The following PRKCD variants were observed in gnomAD, a reference collection of about 807,000 sequenced individuals.
The protein encoded by PRKCD is protein kinase C delta type.
PRKCD carries 20 observed loss-of-function variants against 82.2 expected under a neutral mutation model. The observed-to-expected ratio is 0.24, with a 90% confidence interval of 0.17 to 0.35. PRKCD has a LOEUF of 0.35. Among genes scored for constraint, PRKCD ranks in the 10% least tolerant of loss-of-function variants. The pLI is 1.00. For missense variants in PRKCD, 607 were observed against 899.0 expected (o/e 0.68, Z 4.15); for synonymous variants, 317 against 337.0 (o/e 0.94, Z 0.65).
rs1553669095 is a variant in PRKCD at position 53,186,360 on chromosome 3, T to A, written c.1260+20T>A. Reference sequence around the variant, plus strand: ...ACCAAGGTGCCCGGGCCTCCTGCCGTCACCACCCCATGCCACAGCCATGTC... The same window carrying A: ...ACCAAGGTGCCCGGGCCTCCTGCCGACACCACCCCATGCCACAGCCATGTC... On this transcript the variant is annotated intron_variant, in intron 13 of 18. Coordinates refer to ENST00000330452, the MANE Select transcript of PRKCD (RefSeq NM_006254.4). 6.2e-7 allele frequency: 1 copy of A among 1,613,364 alleles called. No homozygotes were observed. The highest frequency in any genetic ancestry group is 8.5e-7 in the Non-Finnish European group (1 of 1,179,642).
rs1703872880 is a variant in PRKCD, at chr3:53,190,135, C to T, written c.1872+134C>T. On this transcript the variant is annotated intron_variant, in intron 18 of 18. Transcript: ENST00000330452. ...TCCATAGCATGTTCAGTCACAGCCG[C>T]TGCCCTTGTATTCTCATCCTCTCCC... is the stretch of plus-strand genomic sequence containing the variant. 4.6e-6 allele frequency: 6 copies of T among 1,312,508 alleles called. No individual in the cohort carries two copies. The Admixed American group carries it at 5.4e-5, about 12-fold the overall frequency. The allele number at this position is 1,312,508 out of a possible 1,614,324, so 81.3% of individuals were successfully genotyped here.
intron 2 of PRKCD, among the ~76,000 whole-genome samples, chr3:53,168,931 G>C (rs996971252): frequency 6.6e-6 from 1 of 151,936 alleles, no homozygotes; most frequent in Non-Finnish European, 1.5e-5. Context: ...GCTTGGGCAG[G>C]GGGTGACAAA....
intron 2 of PRKCD, among the ~76,000 whole-genome samples, chr3:53,171,101 C>T (rs1297742312): frequency 5.3e-5 from 8 of 152,112 alleles, no homozygotes; most frequent in East Asian, 1.9e-4. Context: ...TGTGGTTATT[C>T]GTGGAGAGGC....
chr3:53,175,354 G>A (rs1431405483), intron 2 of PRKCD, among the ~76,000 whole-genome samples: 1 of 152,136 alleles, frequency 6.6e-6, no homozygotes, highest in African/African-American at 2.4e-5. Flanking sequence ...CCGCAGTGAG[G>A]GGGGTGATAG....
At chr3:53,179,925 C>A in intron 4 of PRKCD, 149 bp downstream of exon 4, 1 of 906,510 alleles carries the variant, frequency 1.1e-6, no homozygotes, top group Non-Finnish European at 1.7e-6. Flanking sequence ...CAGTCCAGCC[C>A]TGTGGCCAAC....
rs1397485856 is a variant in PRKCD at position 53,183,212 on chromosome 3, C to G, written c.657+6C>G. 1.2e-6 allele frequency: 2 copies of G among 1,613,798 alleles called. No individual in the cohort carries two copies. The highest frequency in any genetic ancestry group is 1.7e-6 in the Non-Finnish European group (2 of 1,179,778). Reference sequence around the variant, plus strand: ...CCAACAGCCGGGACACTATAGTGAGCCTGGGTCCGGGGCAGGGCTGGGGAT... The same window carrying G: ...CCAACAGCCGGGACACTATAGTGAGGCTGGGTCCGGGGCAGGGCTGGGGAT... On this transcript the variant is annotated splice_donor_region_variant and intron_variant, in intron 8 of 18. Transcript: ENST00000330452.
chr3:53,175,272 G>A (rs1403945160), intron 2 of PRKCD, among the ~76,000 whole-genome samples: 3 of 152,196 alleles, frequency 2.0e-5, no homozygotes, highest in Non-Finnish European at 4.4e-5. Flanking sequence ...CTGGGCAGGC[G>A]GAATGGATGC....
intron 14 of PRKCD, 116 bp from the exon 15 acceptor site, chr3:53,187,224 G>T: frequency 8.8e-7 from 1 of 1,136,422 alleles, no homozygotes. Flanking sequence ...TGCTCAGGTG[G>T]TCCATGGAGT....
At chr3:53,185,111 A>C in intron 10 of PRKCD, 137 bp downstream of exon 10, 1 of 742,188 alleles carries the variant, frequency 1.3e-6, no homozygotes, top group East Asian at 2.8e-5. Flanking sequence ...GATGCAACTC[A>C]AGAATTTAGG....
chr3:53,182,947 C>T (rs1371561821), intron 7 of PRKCD, among the ~76,000 whole-genome samples, 174 bp from the exon 8 acceptor site: 2 of 152,222 alleles, frequency 1.3e-5, no homozygotes, highest in African/African-American at 2.4e-5. Context: ...GCTCCTCCTT[C>T]GAGGGCTGGC....
intron 2 of PRKCD, among the ~76,000 whole-genome samples, chr3:53,171,916 T>G (rs1349465527): frequency 6.6e-6 from 1 of 151,116 alleles, no homozygotes; most frequent in Non-Finnish European, 1.5e-5. Context: ...GTGGGAAGAA[T>G]GGGTAGGGGA....
intron 9 of PRKCD, 86 bp downstream of exon 9, chr3:53,183,667 C>T (rs1286343910): frequency 2.6e-6 from 4 of 1,543,094 alleles, no homozygotes; most frequent in African/African-American, 2.7e-5. Flanking sequence ...GCCACCCTCG[C>T]CTCCTCACCT....
chr3:53,169,925 C>T lies in PRKCD; in HGVS notation c.-20+4710C>T, dbSNP rs192864145. 2.0e-4 allele frequency among the ~76,000 whole-genome samples: 30 copies of T among 152,316 alleles called. No homozygotes were observed. In the East Asian group the frequency reaches 5.0e-3, roughly 25 times the overall value. On this transcript the variant is annotated intron_variant, in intron 2 of 18. Transcript: ENST00000330452. The surrounding 1 kb of genome is among the most constrained non-coding windows in gnomAD (Gnocchi z 4.7). The stretch of plus-strand genomic sequence containing the variant: ...AGCTAGGCCTGTCTAGGTCCAAGCT[C>T]GCCGGTTCCTCTGTCCGCTGCCTGC...
intron 4 of PRKCD, among the ~76,000 whole-genome samples, chr3:53,180,204 T>C (rs1359472439): frequency 6.7e-6 from 1 of 148,974 alleles, no homozygotes; most frequent in African/African-American, 2.4e-5. Context: ...CATTTTTAAC[T>C]GCATGAAAGG....
rs377729424 is a variant in PRKCD at position 53,162,199 on chromosome 3, A to G, written c.-132+771A>G. ...CCTCCCAGGGTGGCCCCTGCCCGAT[A>G]CGGTCTGTACTCGCCCCCAACCCAG... On this transcript the variant is annotated intron_variant, in intron 1 of 18. Coordinates refer to ENST00000330452, the MANE Select transcript of PRKCD (RefSeq NM_006254.4). 6.9e-3 allele frequency among the ~76,000 whole-genome samples: 1,029 copies of G among 149,982 alleles called. 48 individuals carry two copies. The South Asian group carries it at 0.12, about 18-fold the overall frequency.
In PRKCD at chr3:53,171,274, G is replaced by A. The variant is rs1282584969; in HGVS notation, c.-20+6059G>A. On this transcript the variant is annotated intron_variant, in intron 2 of 18. Transcript: ENST00000330452. ...ACTCCTCATATCCTAGGGCTGGCTG[G>A]TGACTCGAGGCCTGTGCCTGGTGGC... 3.3e-5 allele frequency among the ~76,000 whole-genome samples: 5 copies of A among 152,262 alleles called. No homozygotes were observed. In the East Asian group the frequency reaches 5.8e-4, roughly 18 times the overall value.
intron 7 of PRKCD, chr3:53,182,003 C>G: frequency 1.6e-6 from 1 of 629,320 alleles, no homozygotes; most frequent in African/African-American, 1.8e-5. Context: ...CACGCAGAAA[C>G]CAGCCCAGGC....
chr3:53,186,178 A>G lies in PRKCD; in HGVS notation c.1098A>G (p.Gly366=). ...GKGSFGKVLL[G]ELKGRGEYFA... ...TGTCTCCCCATCAGGTGCTGCTTGG[A>G]GAGCTGAAGGGCAGAGGAGAGTACT... is the stretch of plus-strand genomic sequence containing the variant. Residue 366 remains glycine (G), a synonymous_variant, in exon 13 of 19, where the codon GGA becomes GGG. Coordinates refer to ENST00000330452, the MANE Select transcript of PRKCD (RefSeq NM_006254.4). 6.2e-7 allele frequency: 1 copy of G among 1,613,782 alleles called. No homozygotes were observed. Among genetic ancestry groups the G allele is most frequent in the Non-Finnish European group, 8.5e-7 (1 of 1,179,838 alleles).
chr3:53,171,833 G>A (rs1553664987), intron 2 of PRKCD, among the ~76,000 whole-genome samples: 1 of 152,214 alleles, frequency 6.6e-6, no homozygotes, highest in East Asian at 1.9e-4. Flanking sequence ...GGGCCAGGGA[G>A]TGGGCAGTCT....
Sources: allele counts gnomAD v4.1 joint callset (sites outside exome capture counted in the v4.1 genomes callset), GRCh38; gene constraint gnomAD v4.1.1; non-coding constraint Gnocchi (gnomAD v3.1); transcripts MANE v1.5; gene names NCBI Gene and HGNC (gene_info 2026-07-23, HGNC 2026-07-21).